NWD1: variants seen among roughly 807,000 people sequenced by gnomAD.
The protein encoded by NWD1 is NACHT and WD repeat domain containing 1, also known as NACHT domain- and WD repeat-containing protein 1.
NWD1 carries 129 observed loss-of-function variants against 135.1 expected under a neutral mutation model. The observed-to-expected ratio is 0.96, with a 90% confidence interval of 0.83 to 1.11. NWD1 has a LOEUF of 1.11. NWD1 is among the 50% of genes least tolerant of loss of function. The probability of loss-of-function intolerance (pLI) is 0.00; values close to 1 mark genes in which losing one functional copy is unlikely to be tolerated. For synonymous variants in NWD1, 773 were observed against 786.0 expected, an observed-to-expected ratio of 0.98 and a Z score of 0.28; for missense variants, 1,740 against 1,851.3, an observed-to-expected ratio of 0.94 and a Z score of 1.10.
At chr19:16,742,380 A>C (rs1968121052) in intron 4 of NWD1, among the ~76,000 whole-genome samples, 1 of 152,130 alleles carries the variant, frequency 6.6e-6, no homozygotes, top group Non-Finnish European at 1.5e-5. Flanking sequence ...ATCTCAAAAA[A>C]ATAAAATAAA....
rs543444237 is a variant in NWD1, at chr19:16,734,123, C to T, written c.82-2511C>T. ...AAATGAACTGCAAGCGTGCGGTTGC[C>T]AAGGAGACCTTGGTACGTCCAGTGC... On this transcript the variant is annotated intron_variant, in intron 3 of 18. Coordinates refer to ENST00000524140, the MANE Select transcript of NWD1 (RefSeq NM_001007525.5). Among the ~76,000 whole-genome samples the T allele has an allele frequency of 3.3e-5, 5 of 152,214 alleles. No individual in the cohort carries two copies. The East Asian group carries it at 9.7e-4, about 29-fold the overall frequency.
chr19:16,721,840 G>A (rs2122650682), intron 1 of NWD1, among the ~76,000 whole-genome samples: 1 of 152,262 alleles, frequency 6.6e-6, no homozygotes. Context: ...GCTGCCCGTG[G>A]TGGCTCATGC....
intron 3 of NWD1, among the ~76,000 whole-genome samples, chr19:16,731,510 T>C (rs1212995546): frequency 1.3e-5 from 2 of 151,448 alleles, no homozygotes; most frequent in Admixed American, 6.6e-5. Context: ...TTTCACCATG[T>C]TGGCCAGGAT....
intron 5 of NWD1, among the ~76,000 whole-genome samples, chr19:16,746,968 TTCTTCAATGGCC>T (rs1452389803): frequency 6.6e-6 from 1 of 152,092 alleles, no homozygotes; most frequent in Non-Finnish European, 1.5e-5. Flanking sequence ...CAAGCCCATG[TTCTTCAATGGCC>T]AACACTGTGT....
intron 6 of NWD1, among the ~76,000 whole-genome samples, chr19:16,753,926 A>G (rs1205491758): frequency 6.9e-6 from 1 of 145,730 alleles, no homozygotes; most frequent in Non-Finnish European, 1.5e-5. Context: ...TCTATCCATC[A>G]TCTCAATCCT....
At chr19:16,800,662 G>A (rs761751065) in intron 17 of NWD1, among the ~76,000 whole-genome samples, 5 of 152,112 alleles carry the variant, frequency 3.3e-5, no homozygotes, top group Admixed American at 6.6e-5. Flanking sequence ...GTGAGGACCC[G>A]TTTCCTGGTT....
chr19:16,789,722 T>A (rs554712627), intron 13 of NWD1, among the ~76,000 whole-genome samples: 2 of 148,520 alleles, frequency 1.3e-5, no homozygotes, highest in Non-Finnish European at 3.0e-5. Flanking sequence ...CTCTCTTTTT[T>A]TTTTTTTTTT....
At chr19:16,759,850 C>T (rs1199688476) in intron 7 of NWD1, among the ~76,000 whole-genome samples, 1 of 151,806 alleles carries the variant, frequency 6.6e-6, no homozygotes, top group African/African-American at 2.4e-5. Context: ...AAAAATTAGC[C>T]AGACGCGGTG....
intron 10 of NWD1, among the ~76,000 whole-genome samples, chr19:16,766,363 C>T (rs922372401): frequency 6.6e-6 from 1 of 152,144 alleles, no homozygotes; most frequent in Non-Finnish European, 1.5e-5. Context: ...GATTGCTCCG[C>T]TGCATTCCAG....
At chr19:16,763,288 T>TA (rs1969090298) in intron 8 of NWD1, among the ~76,000 whole-genome samples, 1 of 152,116 alleles carries the variant, frequency 6.6e-6, no homozygotes, top group Non-Finnish European at 1.5e-5. Flanking sequence ...TGATTATGAT[T>TA]ATGCCTCTTG....
At chr19:16,792,513 C>G (rs1158137721) in intron 14 of NWD1, among the ~76,000 whole-genome samples, 1 of 152,026 alleles carries the variant, frequency 6.6e-6, no homozygotes, top group Admixed American at 6.6e-5. Context: ...CTCATCTCTA[C>G]TAAAAAAGCA....
chr19:16,778,916 G>A (rs76186997), intron 11 of NWD1, among the ~76,000 whole-genome samples: 3,071 of 152,258 alleles, frequency 0.02, 93 homozygotes, highest in African/African-American at 0.067. Context: ...TTCTGGGGCT[G>A]AATCTTTCTC....
At position 16,777,541 on chromosome 19, in the gene NWD1, A is replaced by T. The variant is rs1441170316; in HGVS notation, c.2609-1802A>T. Among the ~76,000 whole-genome samples, 8 of 10,516 alleles carry T rather than the reference A, an allele frequency of 7.6e-4. No individual in the cohort carries two copies. In the East Asian group the frequency reaches 0.022, roughly 29 times the overall value. 6.9% of individuals were successfully genotyped at this position (10,516 alleles called of 152,430 possible). ...AGAGGTGAGAAAGGGATGGGAGTGA[A>T]GAGGGAGAGAAGGGGAGGGGAAGGA... On this transcript the variant is annotated intron_variant, in intron 11 of 18. Transcript: ENST00000524140.
chr19:16,765,017 C>A lies in NWD1; in HGVS notation c.2252-17C>A. 6 of 1,613,676 alleles carry A rather than the reference C, an allele frequency of 3.7e-6. No individual in the cohort carries two copies. The highest frequency in any genetic ancestry group is 5.1e-6 in the Non-Finnish European group (6 of 1,179,758). On this transcript the variant is annotated splice_polypyrimidine_tract_variant and intron_variant, in intron 9 of 18. Coordinates refer to ENST00000524140, the MANE Select transcript of NWD1 (RefSeq NM_001007525.5). ...GAGGTAGGCACTTCCCACATCCTCC[C>A]CCCTTCTCTCCCTCAGGCAGCATGA...
In NWD1 at chr19:16,799,891, G is replaced by A. The variant is rs1300910760; in HGVS notation, c.3465G>A (p.Trp1155Ter). Residue 1155 changes from tryptophan to a stop codon, truncating the protein, a stop_gained, in exon 17 of 19, where the codon TGG (tryptophan) becomes TGA (stop). Transcript: ENST00000524140. LOFTEE classifies it high-confidence loss of function. ...CTCCTGTTCTGCTTCCTCAGGTGTG[G>A]AGTCTGTCAGAACAGGGGACCCTTC... ...TGSLDALIQV[W>*]SLSEQGTLLD... 1 of 1,604,220 alleles carries A rather than the reference G, an allele frequency of 6.2e-7. No homozygotes were observed. Among genetic ancestry groups the A allele is most frequent in the Non-Finnish European group, 8.5e-7 (1 of 1,174,580 alleles).
At chr19:16,728,907 G>A (rs952628777) in intron 2 of NWD1, among the ~76,000 whole-genome samples, 2 of 140,010 alleles carry the variant, frequency 1.4e-5, no homozygotes, top group Admixed American at 1.6e-4. Flanking sequence ...TCATGCCACT[G>A]CACTCCAGCC....
rs1251827943 is a variant in NWD1, at chr19:16,746,824, G to C, written c.496+2106G>C. ...ACAAGGAAGAGAAAATATGTTTGCT[G>C]TTGATTAAACATAAGTGGATCATCA... On this transcript the variant is annotated intron_variant, in intron 5 of 18. Transcript: ENST00000524140. Among the ~76,000 whole-genome samples the C allele has an allele frequency of 2.0e-5, 3 of 152,038 alleles. No homozygotes were observed. The East Asian group carries it at 5.8e-4, about 29-fold the overall frequency.
intron 6 of NWD1, among the ~76,000 whole-genome samples, chr19:16,758,954 A>G (rs1170190410): frequency 7.2e-6 from 1 of 139,486 alleles, no homozygotes; most frequent in Non-Finnish European, 1.5e-5. Flanking sequence ...CAGTGAGCCG[A>G]GATTGCACCA....
At chr19:16,754,282 A>T (rs2122837472) in intron 6 of NWD1, among the ~76,000 whole-genome samples, 1 of 146,460 alleles carries the variant, frequency 6.8e-6, no homozygotes, top group African/African-American at 2.6e-5. Context: ...TCTATATTCC[A>T]TCCATCCATC....
Sources: gnomAD v4.1 joint callset for allele counts (sites outside exome capture counted in the v4.1 genomes callset) on GRCh38, gnomAD v4.1.1 for gene constraint, MANE v1.5 for transcripts, NCBI Gene and HGNC (gene_info 2026-07-23, HGNC 2026-07-21) for gene names.